Variants in CPNE5 observed in about 807,000 individuals in gnomAD.
CPNE5 encodes copine-5.
A neutral mutation model predicts 81.1 loss-of-function variants in CPNE5; 42 were observed. The ratio of observed to expected loss-of-function variants is 0.52; its 90% confidence interval spans 0.40 to 0.67. The LOEUF is 0.67. Among genes scored for constraint, CPNE5 ranks in the 30% least tolerant of loss-of-function variants. The pLI is 0.00. For synonymous variants in CPNE5, 313 were observed against 321.5 expected (o/e 0.97, Z 0.28); for missense variants, 612 against 815.5 (o/e 0.75, Z 3.04).
intron 1 of CPNE5, among the ~76,000 whole-genome samples, chr6:36,824,094 C>T (rs1772297818): frequency 6.6e-6 from 1 of 152,214 alleles, no homozygotes; most frequent in Admixed American, 6.5e-5. Context: ...GCTGTTGATG[C>T]CCTGCATGGA....
intron 3 of CPNE5, among the ~76,000 whole-genome samples, chr6:36,820,682 G>A (rs966905163): frequency 1.3e-5 from 2 of 152,026 alleles, no homozygotes; most frequent in Non-Finnish European, 2.9e-5. Flanking sequence ...GCATGTGCCT[G>A]TAATCCCAGC....
At chr6:36,745,295 G>A in intron 17 of CPNE5, 93 bp downstream of exon 17, 2 of 1,490,556 alleles carry the variant, frequency 1.3e-6, no homozygotes, top group Non-Finnish European at 1.8e-6. Flanking sequence ...GCAAGTGCGT[G>A]GGAAGAGAAA....
At chr6:36,798,263 G>A in intron 5 of CPNE5, 22 bp from the exon 6 acceptor site, 13 of 1,608,192 alleles carry the variant, frequency 8.1e-6, no homozygotes, top group South Asian at 1.1e-5. Context: ...GGGAACAGAA[G>A]AGACCAGTGT....
chr6:36,810,816 G>A (rs899833375), intron 3 of CPNE5, among the ~76,000 whole-genome samples: 2 of 152,166 alleles, frequency 1.3e-5, no homozygotes, highest in South Asian at 4.1e-4. Flanking sequence ...TAGGCCTGGT[G>A]ACCTCCCAAA....
intron 19 of CPNE5, 110 bp from the exon 20 acceptor site, chr6:36,743,872 A>C (rs774264696): frequency 6.2e-5 from 58 of 937,542 alleles, no homozygotes; most frequent in Non-Finnish European, 9.0e-5. Context: ...GGCCGAGACC[A>C]CTGGCCCATG....
At chr6:36,744,157 T>G in intron 19 of CPNE5, 111 bp downstream of exon 19, 10 of 897,348 alleles carry the variant, frequency 1.1e-5, no homozygotes, top group African/African-American at 1.6e-5. Flanking sequence ...CTCTCACTCT[T>G]TTGGGAGGGG....
At chr6:36,835,026 G>A (rs1773353778) in intron 1 of CPNE5, among the ~76,000 whole-genome samples, 1 of 152,128 alleles carries the variant, frequency 6.6e-6, no homozygotes, top group Admixed American at 6.5e-5. Context: ...CAATATCTCT[G>A]GGGCAGAACA....
chr6:36,768,998 A>G (rs932555585), intron 10 of CPNE5, among the ~76,000 whole-genome samples: 1 of 152,192 alleles, frequency 6.6e-6, no homozygotes, highest in African/African-American at 2.4e-5. Flanking sequence ...AGCGCTGGAC[A>G]CATGTTGCTC....
intron 10 of CPNE5, among the ~76,000 whole-genome samples, chr6:36,772,908 T>C (rs989392869): frequency 1.3e-5 from 2 of 152,188 alleles, no homozygotes; most frequent in African/African-American, 4.8e-5. Flanking sequence ...GGTGCAATCA[T>C]AGCTCATTGC....
At chr6:36,781,150 A>C (rs143915457) in intron 8 of CPNE5, among the ~76,000 whole-genome samples, 7 of 152,154 alleles carry the variant, frequency 4.6e-5, no homozygotes, top group Admixed American at 4.6e-4. Flanking sequence ...TGCTGGAGAC[A>C]GAATGACCTG....
intron 6 of CPNE5, among the ~76,000 whole-genome samples, chr6:36,795,958 T>G (rs1023091687): frequency 2.6e-5 from 4 of 152,140 alleles, no homozygotes; most frequent in Admixed American, 1.3e-4. Context: ...TTTATTTTAT[T>G]TTATTTTTGA....
At chr6:36,838,368 G>A (rs915586018) in intron 1 of CPNE5, among the ~76,000 whole-genome samples, 2 of 152,238 alleles carry the variant, frequency 1.3e-5, no homozygotes, top group African/African-American at 4.8e-5. Context: ...TGATGCTTGC[G>A]TGGCAGCACA....
chr6:36,771,972 G>T (rs1402628496), intron 10 of CPNE5, among the ~76,000 whole-genome samples: 1 of 152,084 alleles, frequency 6.6e-6, no homozygotes, highest in Non-Finnish European at 1.5e-5. Flanking sequence ...ATGAGGCTAG[G>T]CTCTGCCTCA....
chr6:36,794,394 C>A (rs971671950), intron 7 of CPNE5, among the ~76,000 whole-genome samples, 196 bp downstream of exon 7: 3 of 152,108 alleles, frequency 2.0e-5, no homozygotes, highest in African/African-American at 7.2e-5. Context: ...GGGGAGGGGC[C>A]CACTGCCGAG....
At chr6:36,810,759 C>T (rs890279966) in intron 3 of CPNE5, among the ~76,000 whole-genome samples, 3 of 152,144 alleles carry the variant, frequency 2.0e-5, no homozygotes, top group Non-Finnish European at 4.4e-5. Flanking sequence ...ATGGGGCTTG[C>T]CTAAAATTAC....
chr6:36,752,991 C>T, intron 14 of CPNE5, 43 bp downstream of exon 14: 1 of 1,518,274 alleles, frequency 6.6e-7, no homozygotes, highest in South Asian at 1.1e-5. Context: ...GGGGCCCTTT[C>T]CCTCTCCCCA....
intron 4 of CPNE5, 70 bp downstream of exon 4, chr6:36,799,897 G>A: frequency 8.8e-7 from 1 of 1,131,030 alleles, no homozygotes; most frequent in Non-Finnish European, 1.3e-6. Flanking sequence ...TCAACCACAG[G>A]TCTGTGGTCC....
rs59322472 is a variant in CPNE5 at position 36,746,323 on chromosome 6, G to A, written c.1200+73C>T. ...TCCCCGGGCTCAGAGGAAGGGAAAC[G>A]TCCCCCCACCCCCAGCTTGTCACCT... On this transcript the variant is annotated intron_variant, in intron 16 of 20. Transcript: ENST00000244751. This position sits in a 1 kb window ranked among gnomAD's most constrained non-coding sequence, Gnocchi z 4.5. The A allele has an allele frequency of 5.6e-6, 8 of 1,417,334 alleles. No homozygotes were observed. The African/African-American group carries it at 5.9e-5, about 10-fold the overall frequency. 87.8% of individuals were successfully genotyped at this position (1,417,334 alleles called of 1,614,324 possible).
At chr6:36,790,032 C>T (rs1301245124) in intron 8 of CPNE5, among the ~76,000 whole-genome samples, 1 of 152,142 alleles carries the variant, frequency 6.6e-6, no homozygotes, top group East Asian at 1.9e-4. Context: ...CACCACAGTC[C>T]AGTGGTTAAA....
Sources: allele counts gnomAD v4.1 joint callset (sites outside exome capture counted in the v4.1 genomes callset), GRCh38; gene constraint gnomAD v4.1.1; non-coding constraint Gnocchi (gnomAD v3.1); transcripts MANE v1.5; gene names NCBI Gene and HGNC (gene_info 2026-07-23, HGNC 2026-07-21).